The following TMEM232 variants were observed in gnomAD, a reference collection of about 807,000 sequenced individuals.
TMEM232 encodes the protein transmembrane protein 232.
In TMEM232, 80 loss-of-function variants were observed where a neutral mutation model predicts 78.8. The ratio of observed to expected loss-of-function variants is 1.01; its 90% confidence interval spans 0.85 to 1.22. TMEM232 has a LOEUF of 1.22. Among genes scored for constraint, TMEM232 ranks in the 50% most tolerant of loss-of-function variants. The pLI is 0.00. For synonymous variants in TMEM232, 297 were observed against 254.3 expected, an observed-to-expected ratio of 1.17 and a Z score of -1.60; for missense variants, 881 against 742.2, an observed-to-expected ratio of 1.19 and a Z score of -2.17.
At chr5:110,407,310 T>A (rs1394745526) in intron 2 of TMEM232, among the ~76,000 whole-genome samples, 2 of 152,048 alleles carry the variant, frequency 1.3e-5, no homozygotes, top group Non-Finnish European at 2.9e-5. Context: ...CCCACATATG[T>A]AGACTAAATG....
intron 1 of TMEM232, among the ~76,000 whole-genome samples, chr5:110,674,563 AAAG>A (rs1212332282): frequency 6.6e-6 from 1 of 152,214 alleles, no homozygotes; most frequent in Admixed American, 6.5e-5. Flanking sequence ...TGTAAACCAT[AAAG>A]AAGTTCAAAC....
intron 12 of TMEM232, among the ~76,000 whole-genome samples, chr5:110,441,966 G>A (rs1321284195): frequency 6.8e-6 from 1 of 148,056 alleles, no homozygotes; most frequent in Non-Finnish European, 1.5e-5. Flanking sequence ...GGCCTGTAAG[G>A]TTTCCACTGA....
At chr5:110,698,485 C>CT (rs1328849916) in intron 1 of TMEM232, among the ~76,000 whole-genome samples, 4 of 151,822 alleles carry the variant, frequency 2.6e-5, no homozygotes, top group African/African-American at 9.7e-5. Context: ...TTTACTTAAC[C>CT]TTTAGGTTGA....
intron 11 of TMEM232, among the ~76,000 whole-genome samples, chr5:110,547,331 C>T (rs6860987): frequency 0.045 from 6,823 of 152,164 alleles, 546 homozygotes; most frequent in African/African-American, 0.16. Context: ...AGCTGTGAAA[C>T]TCAGTAAAGT....
intron 12 of TMEM232, among the ~76,000 whole-genome samples, chr5:110,478,876 T>C (rs1327047712): frequency 1.3e-5 from 2 of 150,938 alleles, no homozygotes; most frequent in Non-Finnish European, 3.0e-5. Flanking sequence ...GTGTTTTGAT[T>C]ATGAGCAGAT....
chr5:110,676,860 G>A (rs889527261), intron 1 of TMEM232, among the ~76,000 whole-genome samples: 2 of 151,922 alleles, frequency 1.3e-5, no homozygotes, highest in Admixed American at 1.3e-4. Context: ...CCCGGTTCGA[G>A]CGATTCTCCT....
downstream of TMEM232, among the ~76,000 whole-genome samples, chr5:110,418,653 T>C (rs890890719): frequency 7.2e-5 from 11 of 152,126 alleles, no homozygotes; most frequent in Admixed American, 6.5e-5. Flanking sequence ...GAAGAAAAGA[T>C]AATAGCATGT....
intron 10 of TMEM232, among the ~76,000 whole-genome samples, chr5:110,598,388 T>C (rs963192065): frequency 2.0e-5 from 3 of 152,068 alleles, no homozygotes; most frequent in African/African-American, 4.8e-5. Context: ...TGTGAAGAAA[T>C]AGGAACGCTT....
At chr5:110,598,437 G>C (rs1364287301) in intron 10 of TMEM232, among the ~76,000 whole-genome samples, 2 of 152,120 alleles carry the variant, frequency 1.3e-5, no homozygotes, top group Non-Finnish European at 1.5e-5. Flanking sequence ...TTCAACCATT[G>C]TGGAAGTCAG....
At chr5:110,418,201 T>A (rs892756795), downstream of TMEM232, 2 of 152,208 alleles carry the variant, frequency 1.3e-5, no homozygotes, top group African/African-American at 4.8e-5. Context: ...ATTTTTTACA[T>A]TAAATTCTCT....
chr5:110,692,174 C>T (rs960235969), intron 1 of TMEM232, among the ~76,000 whole-genome samples: 4 of 152,304 alleles, frequency 2.6e-5, no homozygotes, highest in Middle Eastern at 3.4e-3. Context: ...CCCGCCTCGG[C>T]CTCCAAAAGT....
At chr5:110,462,597 C>T (rs1761654150) in intron 12 of TMEM232, among the ~76,000 whole-genome samples, 1 of 152,172 alleles carries the variant, frequency 6.6e-6, no homozygotes, top group South Asian at 2.1e-4. Context: ...TGGCCACAGA[C>T]TGAAGGCTGC....
At chr5:110,696,376 C>T (rs1794782974) in intron 1 of TMEM232, among the ~76,000 whole-genome samples, 1 of 152,128 alleles carries the variant, frequency 6.6e-6, no homozygotes, top group Admixed American at 6.5e-5. Context: ...GGAAGCATTC[C>T]CTTTGAAAAC....
At chr5:110,468,106 A>T (rs983094900) in intron 12 of TMEM232, among the ~76,000 whole-genome samples, 2 of 152,172 alleles carry the variant, frequency 1.3e-5, no homozygotes, top group African/African-American at 2.4e-5. Flanking sequence ...TTGGAAGAAA[A>T]AAAAAGATAG....
chr5:110,533,485 C>T (rs1771860562), intron 11 of TMEM232, among the ~76,000 whole-genome samples: 3 of 152,200 alleles, frequency 2.0e-5, no homozygotes. Flanking sequence ...CTGTGTGCAG[C>T]AGCTGCCGCT....
intron 2 of TMEM232, among the ~76,000 whole-genome samples, chr5:110,655,633 A>G (rs1788933923): frequency 6.7e-6 from 1 of 149,672 alleles, no homozygotes. Flanking sequence ...ACTATTCACA[A>G]TAGCAAAGAC....
At chr5:110,687,193 T>C (rs879626667) in intron 1 of TMEM232, among the ~76,000 whole-genome samples, 3 of 152,168 alleles carry the variant, frequency 2.0e-5, no homozygotes, top group Non-Finnish European at 2.9e-5. Flanking sequence ...TTCTTGGAAT[T>C]TGTGGCACAA....
chr5:110,475,982 C>T (rs1763213035), intron 12 of TMEM232, among the ~76,000 whole-genome samples: 1 of 151,980 alleles, frequency 6.6e-6, no homozygotes, highest in Non-Finnish European at 1.5e-5. Flanking sequence ...ACACTTTCAA[C>T]ACAGAATCGT....
At chr5:110,495,335 C>T (rs556405336) in intron 12 of TMEM232, among the ~76,000 whole-genome samples, 1 of 151,942 alleles carries the variant, frequency 6.6e-6, no homozygotes, top group South Asian at 2.1e-4. Flanking sequence ...GATTACACTT[C>T]CAGGGTGTCT....
Sources: gnomAD v4.1 joint callset for allele counts (sites outside exome capture counted in the v4.1 genomes callset) on GRCh38, gnomAD v4.1.1 for gene constraint, MANE v1.5 for transcripts, NCBI Gene and HGNC (gene_info 2026-07-23, HGNC 2026-07-21) for gene names.